WDFY2: variants seen among roughly 807,000 people sequenced by gnomAD.
WDFY2 encodes the protein WD repeat and FYVE domain containing 2.
In WDFY2, 36 loss-of-function variants were observed where a neutral mutation model predicts 56.4. The observed-to-expected ratio is 0.64, with a 90% CI of 0.49 to 0.84. The LOEUF (loss-of-function observed/expected upper bound fraction) is 0.84. Among genes scored for constraint, WDFY2 ranks in the 40% least tolerant of loss-of-function variants. The pLI is 0.00. For missense variants in WDFY2, 444 were observed against 512.2 expected (o/e 0.87, Z 1.29); for synonymous variants, 176 against 183.7 (o/e 0.96, Z 0.34).
At chr13:51,689,561 A>T (rs755013399) in intron 3 of WDFY2, among the ~76,000 whole-genome samples, 1 of 152,134 alleles carries the variant, frequency 6.6e-6, no homozygotes. Context: ...GAAATGTGAC[A>T]TGGGGTTTCC....
intron 2 of WDFY2, among the ~76,000 whole-genome samples, chr13:51,673,209 G>C (rs941067805): frequency 1.3e-5 from 2 of 152,234 alleles, no homozygotes; most frequent in African/African-American, 4.8e-5. Context: ...AGATTTAAGA[G>C]TAGCCTATGC....
intron 3 of WDFY2, among the ~76,000 whole-genome samples, chr13:51,680,406 G>A (rs1164027359): frequency 1.3e-5 from 2 of 152,060 alleles, no homozygotes; most frequent in Admixed American, 6.6e-5. Flanking sequence ...CCGGCTCCAC[G>A]TGACCTTCTT....
At chr13:51,751,609 G>A (rs544702099) in intron 8 of WDFY2, 194 bp downstream of exon 8, 1 of 572,628 alleles carries the variant, frequency 1.7e-6, no homozygotes, top group South Asian at 1.7e-5. Context: ...GTGATGGAGA[G>A]TTCATAAGAA....
intron 1 of WDFY2, among the ~76,000 whole-genome samples, chr13:51,612,231 C>G (rs1044669578): frequency 2.0e-5 from 3 of 152,096 alleles, no homozygotes; most frequent in Middle Eastern, 3.2e-3. Context: ...ATGGCCTGCT[C>G]CACTGTGTAG....
In WDFY2 at chr13:51,763,249, T is replaced by G. The variant is rs1953645322; in HGVS notation, c.*3480T>G. 6.6e-6 allele frequency: 1 copy of G among 152,232 alleles called. No homozygotes were observed. Among genetic ancestry groups the G allele is most frequent in the African/African-American group, 2.4e-5 (1 of 41,460 alleles). The allele number at this position is 152,232 out of a possible 1,614,324, so 9.4% of individuals were successfully genotyped here. On this transcript the variant is annotated 3_prime_UTR_variant, in exon 12 of 12. Coordinates refer to ENST00000298125, the MANE Select transcript of WDFY2 (RefSeq NM_052950.4). ...CAGCACCTTGAGACAGGGCGCTCTC[T>G]GGAACCAGCTTTGTTCCTCTTATCG...
In WDFY2 at chr13:51,640,385, G is replaced by T. The variant is rs566021231; in HGVS notation, c.138-20211G>T. ...CATGCAGCTTTAGTTATCAACCTTT[G>T]TCAGTCGTATTTCATGCATCTACTC... On this transcript the variant is annotated intron_variant, in intron 1 of 11. Coordinates refer to ENST00000298125, the MANE Select transcript of WDFY2 (RefSeq NM_052950.4). Among the ~76,000 whole-genome samples the T allele has an allele frequency of 3.3e-5, 5 of 152,276 alleles. No homozygotes were observed. In the East Asian group the frequency reaches 7.7e-4, roughly 23 times the overall value.
chr13:51,752,571 A>G (rs1222998256), intron 8 of WDFY2, among the ~76,000 whole-genome samples: 3 of 152,180 alleles, frequency 2.0e-5, no homozygotes, highest in African/African-American at 7.2e-5. Context: ...GAAGGACCCA[A>G]TTCTTTTCCT....
rs1012023386 is a variant in WDFY2 at position 51,762,118 on chromosome 13, T to C, written c.*2349T>C. The C allele has an allele frequency of 6.6e-6, 1 of 152,230 alleles. No individual in the cohort carries two copies. The highest frequency in any genetic ancestry group is 1.5e-5 in the Non-Finnish European group (1 of 68,052). The allele number at this position is 152,230 out of a possible 1,614,324, so 9.4% of individuals were successfully genotyped here. On this transcript the variant is annotated 3_prime_UTR_variant, in exon 12 of 12. Coordinates refer to ENST00000298125, the MANE Select transcript of WDFY2 (RefSeq NM_052950.4). The stretch of plus-strand genomic sequence containing the variant: ...AGGACTGTGTGTTGGAAATGAGTAA[T>C]AGAGCTGAATCACTCCATTTTCCCT...
intron 2 of WDFY2, 22 bp downstream of exon 2, chr13:51,660,685 T>C (rs1184590814): frequency 6.2e-7 from 1 of 1,610,878 alleles, no homozygotes; most frequent in Non-Finnish European, 8.5e-7. Context: ...AATCGCTGTC[T>C]TGAAAAACCA....
intron 5 of WDFY2, among the ~76,000 whole-genome samples, chr13:51,721,526 GAGTC>G (rs2138635568): frequency 6.6e-6 from 1 of 152,154 alleles, no homozygotes; most frequent in East Asian, 1.9e-4. Context: ...GCATCTCCAG[GAGTC>G]ATCCTCATTT....
chr13:51,672,694 C>T (rs112803644), intron 2 of WDFY2, among the ~76,000 whole-genome samples: 336 of 152,210 alleles, frequency 2.2e-3, no homozygotes, highest in Admixed American at 4.1e-3. Flanking sequence ...GATATGTTTC[C>T]ATTTGTTTGT....
At position 51,760,719 on chromosome 13, in the gene WDFY2, GA is replaced by G. The variant is rs1306621267; in HGVS notation, c.*951del. ...TTCAAAATGAAACTGTTCCACCTCG[GA>G]TCAGCAGGCATTAGCTTCTCATAAG... is the stretch of plus-strand genomic sequence containing the variant. On this transcript the variant is annotated 3_prime_UTR_variant, in exon 12 of 12. Coordinates refer to ENST00000298125, the MANE Select transcript of WDFY2 (RefSeq NM_052950.4). 1 of 152,234 alleles carries G rather than the reference GA, an allele frequency of 6.6e-6. No individual in the cohort carries two copies. Among genetic ancestry groups the G allele is most frequent in the East Asian group, 1.9e-4 (1 of 5,196 alleles). 9.4% of individuals were successfully genotyped at this position (152,234 alleles called of 1,614,324 possible).
chr13:51,656,902 A>C (rs890078356), intron 1 of WDFY2, among the ~76,000 whole-genome samples: 10 of 152,036 alleles, frequency 6.6e-5, no homozygotes, highest in Admixed American at 5.9e-4. Flanking sequence ...AGTAGCAAAA[A>C]GTTGGACCAT....
intron 5 of WDFY2, among the ~76,000 whole-genome samples, chr13:51,720,772 G>A (rs1364818140): frequency 6.6e-5 from 10 of 152,118 alleles, no homozygotes; most frequent in African/African-American, 1.4e-4. Context: ...TTCCTGCTTC[G>A]TAGACAACAT....
intron 1 of WDFY2, chr13:51,590,321 A>G (rs1954019346): frequency 6.6e-6 from 1 of 152,268 alleles, no homozygotes; most frequent in Admixed American, 6.5e-5. Context: ...TTAAGTAGCT[A>G]GAATAAACTT....
At chr13:51,634,710 T>TTTTTG in intron 1 of WDFY2, among the ~76,000 whole-genome samples, 2 of 152,122 alleles carry the variant, frequency 1.3e-5, no homozygotes, top group Middle Eastern at 6.8e-3. Flanking sequence ...AAGGCTGTTT[T>TTTTTG]TTTTGTTTTG....
At chr13:51,749,749 C>T (rs1448148979) in intron 7 of WDFY2, among the ~76,000 whole-genome samples, 1 of 151,756 alleles carries the variant, frequency 6.6e-6, no homozygotes, top group African/African-American at 2.4e-5. Context: ...TTCTAACTTA[C>T]TTAGAAATTA....
intron 5 of WDFY2, among the ~76,000 whole-genome samples, chr13:51,724,277 A>C (rs1227429821): frequency 8.3e-6 from 1 of 120,956 alleles, no homozygotes; most frequent in African/African-American, 3.3e-5. Flanking sequence ...CACTCTTGCC[A>C]TCCAGGCTGG....
chr13:51,664,312 G>A (rs554394044), intron 2 of WDFY2, among the ~76,000 whole-genome samples: 27 of 152,316 alleles, frequency 1.8e-4, no homozygotes, highest in Non-Finnish European at 3.1e-4. Flanking sequence ...GGTTAAGGCC[G>A]TTTGTCCCTG....
Sources: allele counts gnomAD v4.1 joint callset (sites outside exome capture counted in the v4.1 genomes callset), GRCh38; gene constraint gnomAD v4.1.1; transcripts MANE v1.5; gene names NCBI Gene and HGNC (gene_info 2026-07-23, HGNC 2026-07-21).